The following USP38 variants were observed in gnomAD, a reference collection of about 807,000 sequenced individuals.
USP38 encodes the protein ubiquitin specific peptidase 38.
Under a neutral mutation model 94.3 loss-of-function variants are expected in USP38, and 49 were observed. The ratio of observed to expected loss-of-function variants is 0.52; its 90% CI spans 0.41 to 0.66. USP38 has a LOEUF of 0.66. USP38 is among the 30% of genes least tolerant of loss of function. The pLI is 0.00. For missense variants in USP38, 1,128 were observed against 1,229.4 expected (o/e 0.92, Z 1.23); for synonymous variants, 468 against 463.6 (o/e 1.01, Z -0.12).
chr4:143,220,272 A>G, intron 9 of USP38, 23 bp from the exon 10 acceptor site: 1 of 1,596,096 alleles, frequency 6.3e-7, no homozygotes, highest in South Asian at 1.1e-5. Context: ...TTTTAATTTC[A>G]TAAAAGTTAT....
At chr4:143,210,156 C>T (rs1013136422) in intron 7 of USP38, among the ~76,000 whole-genome samples, 4 of 152,072 alleles carry the variant, frequency 2.6e-5, no homozygotes, top group Non-Finnish European at 4.4e-5. Flanking sequence ...CTTAAAATTT[C>T]GTGGTGATCT....
Position 143,220,580 on chromosome 4 carries a change from C to A in USP38, c.*124C>A. On this transcript the variant is annotated 3_prime_UTR_variant, in exon 10 of 10. Coordinates refer to ENST00000307017, the MANE Select transcript of USP38 (RefSeq NM_032557.6). ...GACCCTTATACTTCAAGAGAACACACTCAGTGCTTGTTTTTATTTTCTTGA... is the reference window on the plus strand; with the variant it reads ...GACCCTTATACTTCAAGAGAACACAATCAGTGCTTGTTTTTATTTTCTTGA... 1 of 944,598 alleles carries A rather than the reference C, an allele frequency of 1.1e-6. No individual in the cohort carries two copies. The highest frequency in any genetic ancestry group is 1.4e-6 in the Non-Finnish European group (1 of 706,422). 58.5% of individuals were successfully genotyped at this position (944,598 alleles called of 1,614,324 possible). A position where few individuals can be genotyped will look rare whatever the true frequency, so the allele number is the denominator to read the frequency against.
chr4:143,215,204 A>G, intron 9 of USP38: 1 of 430,370 alleles, frequency 2.3e-6, no homozygotes, highest in Admixed American at 4.1e-5. Flanking sequence ...AAATCATGCC[A>G]TACAAAATAC....
chr4:143,190,164 T>C (rs1182164598), intron 2 of USP38, among the ~76,000 whole-genome samples: 1 of 152,148 alleles, frequency 6.6e-6, no homozygotes, highest in Non-Finnish European at 1.5e-5. Context: ...TTATAACTTC[T>C]ATTTCCTCCT....
chr4:143,201,605 G>A (rs887122364), intron 4 of USP38, among the ~76,000 whole-genome samples: 3 of 152,068 alleles, frequency 2.0e-5, no homozygotes, highest in Non-Finnish European at 4.4e-5. Context: ...CATAAGTTTA[G>A]AATATCTTAG....
At chr4:143,196,247 A>G (rs1453387463) in intron 3 of USP38, among the ~76,000 whole-genome samples, 1 of 152,228 alleles carries the variant, frequency 6.6e-6, no homozygotes, top group Admixed American at 6.5e-5. Context: ...CAGAGGTTGC[A>G]GTGAGCCAAG....
At chr4:143,198,048 C>G (rs754230751) in intron 4 of USP38, 124 bp downstream of exon 4, 34 of 581,694 alleles carry the variant, frequency 5.8e-5, no homozygotes, top group Non-Finnish European at 8.1e-5. Flanking sequence ...TTTCATATAG[C>G]TTTATGATTT....
At chr4:143,189,562 C>T (rs919822061) in intron 2 of USP38, among the ~76,000 whole-genome samples, 16 of 151,994 alleles carry the variant, frequency 1.1e-4, no homozygotes, top group Admixed American at 7.9e-4. Flanking sequence ...TCCACCGTAT[C>T]CCCCTTTTCA....
At chr4:143,198,761 A>G (rs376404186) in intron 4 of USP38, among the ~76,000 whole-genome samples, 10 of 152,210 alleles carry the variant, frequency 6.6e-5, no homozygotes, top group Admixed American at 2.6e-4. Flanking sequence ...TACATTACAC[A>G]TTACCACTTA....
intron 6 of USP38, among the ~76,000 whole-genome samples, chr4:143,207,796 A>G (rs984202974): frequency 1.3e-5 from 2 of 152,104 alleles, no homozygotes; most frequent in African/African-American, 4.8e-5. Flanking sequence ...TGACAGAGAA[A>G]ACAAAAAACC....
intron 9 of USP38, among the ~76,000 whole-genome samples, chr4:143,218,273 C>T (rs1486639380): frequency 6.6e-6 from 1 of 152,040 alleles, no homozygotes; most frequent in East Asian, 1.9e-4. Context: ...TATAAATATA[C>T]TGAAAATTAT....
Position 143,214,901 on chromosome 4 carries a change from A to C in USP38, c.2925A>C (p.Glu975Asp). Residue 975 changes from glutamate (E) to aspartate (D), a missense_variant, in exon 9 of 10, where the codon GAA (glutamate) becomes GAC (aspartate). Coordinates refer to ENST00000307017, the MANE Select transcript of USP38 (RefSeq NM_032557.6). ...ATGGAGACCCACCTCTACAGAAAGA[A>C]CTTATGGATGCTATAACAAAAGACA... is the stretch of plus-strand genomic sequence containing the variant. Reference protein sequence around the residue: ...WINGDPPLQKELMDAITKDNK... With the variant: ...WINGDPPLQKDLMDAITKDNK... The C allele has an allele frequency of 6.2e-7, 1 of 1,613,378 alleles. No homozygotes were observed. The highest frequency in any genetic ancestry group is 8.5e-7 in the Non-Finnish European group (1 of 1,179,618).
At chr4:143,196,651 A>G (rs1731558034) in intron 3 of USP38, among the ~76,000 whole-genome samples, 1 of 152,298 alleles carries the variant, frequency 6.6e-6, no homozygotes, top group Non-Finnish European at 1.5e-5. Context: ...TTCTCAGTGC[A>G]TACTCACAGC....
chr4:143,186,535 C>T lies in USP38; in HGVS notation c.682+403C>T, dbSNP rs1170855759. ...GTCTCTAATTTTGTAATGAGTTTTT[C>T]CCCCATTTTTGTATTTCCTCATTTT... On this transcript the variant is annotated intron_variant, in intron 1 of 9. Transcript: ENST00000307017. Among the ~76,000 whole-genome samples the T allele has an allele frequency of 3.9e-5, 6 of 152,046 alleles. No homozygotes were observed. In the South Asian group the frequency reaches 1.2e-3, roughly 32 times the overall value.
intron 6 of USP38, among the ~76,000 whole-genome samples, chr4:143,209,130 C>A (rs1235385904): frequency 1.3e-5 from 2 of 151,880 alleles, no homozygotes; most frequent in Non-Finnish European, 2.9e-5. Context: ...AATGGCTTAA[C>A]CTATTTGTAT....
intron 2 of USP38, among the ~76,000 whole-genome samples, chr4:143,194,125 G>T (rs1731476296): frequency 6.6e-6 from 1 of 152,184 alleles, no homozygotes; most frequent in African/African-American, 2.4e-5. Flanking sequence ...TAACATAGTA[G>T]TTGTTGTTTT....
chr4:143,201,106 C>T (rs1369264310), intron 4 of USP38, among the ~76,000 whole-genome samples: 1 of 152,192 alleles, frequency 6.6e-6, no homozygotes, highest in African/African-American at 2.4e-5. Flanking sequence ...CTGGAGCCAT[C>T]ACATTACCCA....
intron 2 of USP38, among the ~76,000 whole-genome samples, chr4:143,189,004 A>G (rs1019551074): frequency 4.6e-5 from 7 of 152,056 alleles, no homozygotes; most frequent in African/African-American, 1.7e-4. Flanking sequence ...ATAATTTAGT[A>G]TGTTAGATAG....
intron 4 of USP38, among the ~76,000 whole-genome samples, chr4:143,202,715 T>C (rs1415385866): frequency 6.6e-6 from 1 of 152,102 alleles, no homozygotes; most frequent in Non-Finnish European, 1.5e-5. Context: ...ATATTCTATA[T>C]GTTTATGAGC....
Sources: gnomAD v4.1 joint callset for allele counts (sites outside exome capture counted in the v4.1 genomes callset) on GRCh38, gnomAD v4.1.1 for gene constraint, MANE v1.5 for transcripts, NCBI Gene and HGNC (gene_info 2026-07-23, HGNC 2026-07-21) for gene names.